Variants in NALF1 observed in about 807,000 individuals in gnomAD.
NALF1 encodes the protein family with sequence similarity 155 member A.
NALF1 carries 3 observed loss-of-function variants against 48.4 expected under a neutral mutation model. That is an observed-to-expected ratio of 0.06 (90% CI 0.03 to 0.16). The LOEUF is 0.16. NALF1 is among the 10% of genes least tolerant of loss of function. The pLI is 1.00. For synonymous variants in NALF1, 262 were observed against 245.7 expected (o/e 1.07, Z -0.62); for missense variants, 526 against 571.5 (o/e 0.92, Z 0.81).
At chr13:107,454,429 C>G (rs570898003) in intron 1 of NALF1, among the ~76,000 whole-genome samples, 10 of 152,130 alleles carry the variant, frequency 6.6e-5, no homozygotes, top group Non-Finnish European at 1.5e-4. Flanking sequence ...ACGTGCCCAA[C>G]AAAGTGGGAA....
chr13:107,353,865 T>C (rs558069816), intron 1 of NALF1, among the ~76,000 whole-genome samples: 1 of 152,318 alleles, frequency 6.6e-6, no homozygotes, highest in East Asian at 1.9e-4. Context: ...AGTAAATGCA[T>C]AGATATTTAT....
At chr13:107,279,212 G>T (rs1454450458) in intron 1 of NALF1, among the ~76,000 whole-genome samples, 1 of 151,974 alleles carries the variant, frequency 6.6e-6, no homozygotes, top group Non-Finnish European at 1.5e-5. Flanking sequence ...CATGGAGGAA[G>T]AAATTGCTGC....
chr13:107,649,324 A>T (rs559595806), intron 1 of NALF1, among the ~76,000 whole-genome samples: 26 of 152,366 alleles, frequency 1.7e-4, no homozygotes, highest in African/African-American at 6.3e-4. Context: ...TGTAGATTAA[A>T]ACATCAAGAA....
intron 1 of NALF1, among the ~76,000 whole-genome samples, chr13:107,484,563 A>T (rs1449526691): frequency 1.3e-5 from 2 of 152,144 alleles, no homozygotes; most frequent in African/African-American, 4.8e-5. Flanking sequence ...TTTACCACCC[A>T]TCTTTGGATT....
chr13:107,399,613 C>CCA (rs1221657840), intron 1 of NALF1, among the ~76,000 whole-genome samples: 4 of 152,072 alleles, frequency 2.6e-5, no homozygotes, highest in Non-Finnish European at 5.9e-5. Context: ...CTACAAAATG[C>CCA]TTGTTGATTC....
intron 1 of NALF1, among the ~76,000 whole-genome samples, chr13:107,859,755 T>C (rs138489075): frequency 0.016 from 2,459 of 151,924 alleles, 29 homozygotes; most frequent in East Asian, 0.035. Flanking sequence ...ATACAAAAAC[T>C]AGCTGGGCAT....
chr13:107,357,765 A>G (rs150599831), intron 1 of NALF1, among the ~76,000 whole-genome samples: 55 of 152,338 alleles, frequency 3.6e-4, no homozygotes, highest in African/African-American at 1.3e-3. Context: ...GATGGCAAAT[A>G]TTTCCATAAA....
chr13:107,210,898 G>A (rs1191936706), intron 1 of NALF1, 143 bp from the exon 2 acceptor site: 22 of 600,424 alleles, frequency 3.7e-5, no homozygotes, highest in Non-Finnish European at 6.5e-5. Flanking sequence ...TTTACACAAC[G>A]ACAGCTGCAA....
chr13:107,733,276 C>T (rs868396651), intron 1 of NALF1, among the ~76,000 whole-genome samples: 71 of 152,310 alleles, frequency 4.7e-4, no homozygotes, highest in Middle Eastern at 3.4e-3. Flanking sequence ...GTGACAGCAG[C>T]ACATTGCAAA....
At chr13:107,659,026 A>G (rs1456485027) in intron 1 of NALF1, among the ~76,000 whole-genome samples, 1 of 150,804 alleles carries the variant, frequency 6.6e-6, no homozygotes, top group Non-Finnish European at 1.5e-5. Flanking sequence ...GTGCACCATT[A>G]TTTCTCCTCT....
chr13:107,482,521 G>A (rs563600995), intron 1 of NALF1, among the ~76,000 whole-genome samples: 149 of 152,228 alleles, frequency 9.8e-4, no homozygotes, highest in African/African-American at 3.2e-3. Context: ...TTAAAAACAA[G>A]GGAAGAAAGG....
chr13:107,660,473 ACACACACACAC>A (rs1566434054), intron 1 of NALF1, among the ~76,000 whole-genome samples: 13 of 127,170 alleles, frequency 1.0e-4, no homozygotes, highest in East Asian at 6.2e-4. Flanking sequence ...ACACACACAC[ACACACACACAC>A]AACAAAGAAA....
chr13:107,224,637 A>T (rs543964397), intron 1 of NALF1, among the ~76,000 whole-genome samples: 1 of 152,240 alleles, frequency 6.6e-6, no homozygotes, highest in Admixed American at 6.5e-5. Flanking sequence ...ACTGCCATGG[A>T]TCCTGAAATA....
At chr13:107,173,422 GT>G (rs879439265) in intron 2 of NALF1, among the ~76,000 whole-genome samples, 97 of 150,788 alleles carry the variant, frequency 6.4e-4, no homozygotes, top group African/African-American at 2.3e-3. Context: ...ATACCACTTC[GT>G]TTTTTTTTCT....
chr13:107,784,769 T>C (rs762645517), intron 1 of NALF1, among the ~76,000 whole-genome samples: 1 of 152,116 alleles, frequency 6.6e-6, no homozygotes, highest in Non-Finnish European at 1.5e-5. Context: ...GGCGTGGATG[T>C]GGCAATTAGG....
intron 1 of NALF1, among the ~76,000 whole-genome samples, chr13:107,481,963 T>C (rs1208180530): frequency 6.6e-6 from 1 of 152,176 alleles, no homozygotes; most frequent in African/African-American, 2.4e-5. Flanking sequence ...TTGCATGACA[T>C]TGATTATCTT....
chr13:107,412,000 A>AG (rs1328327845), intron 1 of NALF1, among the ~76,000 whole-genome samples: 3 of 152,142 alleles, frequency 2.0e-5, no homozygotes, highest in South Asian at 2.1e-4. Flanking sequence ...ATATTAGATG[A>AG]GAAAAAATGA....
chr13:107,308,843 T>A (rs1016833703), intron 1 of NALF1, among the ~76,000 whole-genome samples: 2 of 152,260 alleles, frequency 1.3e-5, no homozygotes, highest in Non-Finnish European at 2.9e-5. Context: ...ACAGTAGATA[T>A]AACCTATAGG....
At chr13:107,236,786 A>G (rs1331670817) in intron 1 of NALF1, among the ~76,000 whole-genome samples, 2 of 152,074 alleles carry the variant, frequency 1.3e-5, no homozygotes, top group Non-Finnish European at 2.9e-5. Flanking sequence ...CATGGATTCA[A>G]GCAACCTCAA....
Sources: gnomAD v4.1 joint callset for allele counts (sites outside exome capture counted in the v4.1 genomes callset) on GRCh38, gnomAD v4.1.1 for gene constraint, MANE v1.5 for transcripts, NCBI Gene and HGNC (gene_info 2026-07-23, HGNC 2026-07-21) for gene names.